Variants in SLC49A4 observed in about 807,000 individuals in gnomAD.
SLC49A4 encodes solute carrier family 49 member 4, also known as disrupted in renal cancer protein 2.
Under a neutral mutation model 50.6 loss-of-function variants are expected in SLC49A4, and 36 were observed. The observed-to-expected ratio is 0.71, with a 90% CI of 0.55 to 0.94. The LOEUF is 0.94. Among genes scored for constraint, SLC49A4 ranks in the 40% least tolerant of loss-of-function variants. The pLI, the probability that SLC49A4 is intolerant of heterozygous loss-of-function variation, is 0.00. For missense variants in SLC49A4, 503 were observed against 605.7 expected, an observed-to-expected ratio of 0.83 and a Z score of 1.78; for synonymous variants, 248 against 241.2, an observed-to-expected ratio of 1.03 and a Z score of -0.26.
intron 6 of SLC49A4, 85 bp from the exon 7 acceptor site, chr3:122,859,990 C>A: frequency 8.7e-7 from 1 of 1,149,376 alleles, no homozygotes; most frequent in South Asian, 2.6e-5. Flanking sequence ...GAAAATTCCT[C>A]AAGTAGTTGT....
At chr3:122,817,746 AAT>A in intron 2 of SLC49A4, among the ~76,000 whole-genome samples, 1 of 107,236 alleles carries the variant, frequency 9.3e-6, no homozygotes, top group African/African-American at 3.5e-5. Context: ...ACACCCAGCT[AAT>A]TTTTTTTTTT....
chr3:122,819,958 A>G (rs1315194475), intron 2 of SLC49A4, among the ~76,000 whole-genome samples: 5 of 152,102 alleles, frequency 3.3e-5, no homozygotes, highest in Admixed American at 3.3e-4. Context: ...TATGTATTCT[A>G]AATTACTTCA....
intron 5 of SLC49A4, among the ~76,000 whole-genome samples, chr3:122,855,395 G>C (rs1247541817): frequency 6.6e-6 from 1 of 152,218 alleles, no homozygotes; most frequent in African/African-American, 2.4e-5. Flanking sequence ...AGTATTATTA[G>C]AGACATGAAA....
In SLC49A4 at chr3:122,860,176, G is replaced by T; in HGVS notation, c.1112G>T (p.Ser371Ile). The T allele has an allele frequency of 6.2e-7, 1 of 1,609,050 alleles. No homozygotes were observed. Among genetic ancestry groups the T allele is most frequent in the Non-Finnish European group, 8.5e-7 (1 of 1,177,700 alleles). ...STWFTLTCLN[S>I]ITHLPLTTVT... ...TGGTTCACCCTGACCTGTTTGAACA[G>T]CATCACACACCTACCTTTAACCACA... The change falls in exon 7 of 9, where the codon AGC (serine) becomes ATC (isoleucine). Residue 371 changes from serine (S) to isoleucine (I), a missense_variant. Ser to Ile is a moderately radical substitution (Grantham distance 142). Coordinates refer to ENST00000261038, the MANE Select transcript of SLC49A4 (RefSeq NM_032839.3).
intron 2 of SLC49A4, among the ~76,000 whole-genome samples, chr3:122,814,478 G>A (rs959536740): frequency 1.3e-5 from 2 of 152,134 alleles, no homozygotes; most frequent in African/African-American, 2.4e-5. Flanking sequence ...ATAGAAAAAT[G>A]GACATAGTAG....
At chr3:122,813,458 G>A (rs1445148315) in intron 2 of SLC49A4, among the ~76,000 whole-genome samples, 1 of 152,004 alleles carries the variant, frequency 6.6e-6, no homozygotes, top group Non-Finnish European at 1.5e-5. Context: ...TGATACCCAT[G>A]TAGCCGTCAC....
rs745807013 is a variant in SLC49A4, at chr3:122,827,000, C to T, written c.638C>T (p.Pro213Leu). The T allele has an allele frequency of 6.2e-7, 1 of 1,614,204 alleles. No homozygotes were observed. Among genetic ancestry groups the T allele is most frequent in the Non-Finnish European group, 8.5e-7 (1 of 1,180,030 alleles). ...LVVPAPNGTS[P>L]LLAAESSRAH... ...GTTCCAGCTCCCAATGGGACATCAC[C>T]TCTTCTTGCTGCAGAGAGCAGCAGG... Residue 213 changes from proline (P) to leucine (L), a missense_variant, in exon 3 of 9, where the codon CCT becomes CTT. By Grantham distance (98) the Pro-to-Leu change is moderately conservative (BLOSUM62 -3). Transcript: ENST00000261038.
At chr3:122,841,877 C>T (rs1936774276) in intron 4 of SLC49A4, among the ~76,000 whole-genome samples, 1 of 152,044 alleles carries the variant, frequency 6.6e-6, no homozygotes, top group Non-Finnish European at 1.5e-5. Flanking sequence ...ACTCTGGGTA[C>T]AGTAAAAAGT....
At chr3:122,815,304 G>A (rs974710799) in intron 2 of SLC49A4, among the ~76,000 whole-genome samples, 3 of 152,126 alleles carry the variant, frequency 2.0e-5, no homozygotes, top group Non-Finnish European at 4.4e-5. Context: ...GGCCAGACTT[G>A]TCTTGAACTC....
chr3:122,818,550 G>T (rs1226369644), intron 2 of SLC49A4, among the ~76,000 whole-genome samples: 1 of 152,150 alleles, frequency 6.6e-6, no homozygotes, highest in African/African-American at 2.4e-5. Flanking sequence ...AACAAGGAAT[G>T]AAACAAAATG....
chr3:122,826,758 C>G, intron 2 of SLC49A4, 42 bp from the exon 3 acceptor site: 1 of 1,593,874 alleles, frequency 6.3e-7, no homozygotes, highest in Non-Finnish European at 8.6e-7. Flanking sequence ...TAGAAAATGC[C>G]TGTTTCAAAT....
At chr3:122,861,522 A>G (rs557701725) in intron 7 of SLC49A4, among the ~76,000 whole-genome samples, 7 of 152,334 alleles carry the variant, frequency 4.6e-5, no homozygotes, top group Non-Finnish European at 7.4e-5. Context: ...GAGTAGAAAT[A>G]AATAAGAGTC....
At chr3:122,845,987 A>G in intron 5 of SLC49A4, 116 bp downstream of exon 5, 1 of 542,108 alleles carries the variant, frequency 1.8e-6, no homozygotes, top group Non-Finnish European at 2.9e-6. Flanking sequence ...GTCCTATACC[A>G]TTGTTGCAAA....
chr3:122,863,965 T>G (rs192923221), intron 7 of SLC49A4, among the ~76,000 whole-genome samples: 1 of 152,292 alleles, frequency 6.6e-6, no homozygotes, highest in East Asian at 1.9e-4. Context: ...TTCAGCTCAC[T>G]GCAACTTCCA....
At chr3:122,873,607 CATTAG>C (rs764168344) in intron 8 of SLC49A4, among the ~76,000 whole-genome samples, 32 of 152,176 alleles carry the variant, frequency 2.1e-4, no homozygotes, top group Non-Finnish European at 1.6e-4. Flanking sequence ...ATGAACAGTA[CATTAG>C]ATTGTTTCTG....
rs1936989688 is a variant in SLC49A4 at position 122,856,364 on chromosome 3, G to A, written c.1000G>A (p.Ala334Thr). The A allele has an allele frequency of 2.5e-6, 4 of 1,613,860 alleles. No individual in the cohort carries two copies. The African/African-American group carries it at 4.0e-5, about 16-fold the overall frequency. Residue 334 changes from alanine to threonine, a missense_variant, in exon 6 of 9, where the codon GCT becomes ACT. Ala to Thr is a moderately conservative substitution (Grantham distance 58). Coordinates refer to ENST00000261038, the MANE Select transcript of SLC49A4 (RefSeq NM_032839.3). ...SIVGGCVVGI[A>T]MARFADFIRG... Reference sequence around the variant, plus strand: ...AGTTGGAGGCTGTGTTGTTGGAATAGCTATGGCAAGGTGAGAATATTTTGT... The same window carrying A: ...AGTTGGAGGCTGTGTTGTTGGAATAACTATGGCAAGGTGAGAATATTTTGT...
chr3:122,807,428 A>G (rs1297779011), intron 2 of SLC49A4, among the ~76,000 whole-genome samples: 1 of 152,120 alleles, frequency 6.6e-6, no homozygotes, highest in Non-Finnish European at 1.5e-5. Flanking sequence ...GAGTGAAGCC[A>G]TGGAGGCAGG....
chr3:122,796,627 C>T (rs900458646), intron 1 of SLC49A4, among the ~76,000 whole-genome samples: 1 of 152,208 alleles, frequency 6.6e-6, no homozygotes, highest in African/African-American at 2.4e-5. Flanking sequence ...CTGTTTTATA[C>T]GGGCAGTAAT....
intron 2 of SLC49A4, among the ~76,000 whole-genome samples, chr3:122,809,478 T>A (rs1309213510): frequency 6.6e-6 from 1 of 152,152 alleles, no homozygotes; most frequent in Non-Finnish European, 1.5e-5. Context: ...TCCCAGCACT[T>A]TGGGAGGCTG....
Sources: allele counts gnomAD v4.1 joint callset (sites outside exome capture counted in the v4.1 genomes callset), GRCh38; gene constraint gnomAD v4.1.1; transcripts MANE v1.5; gene names NCBI Gene and HGNC (gene_info 2026-07-23, HGNC 2026-07-21).